PEX14: variants seen among roughly 807,000 people sequenced by gnomAD.
PEX14 encodes the protein peroxisomal membrane protein PEX14.
PEX14 carries 15 observed loss-of-function variants against 49.5 expected under a neutral mutation model. That is an observed-to-expected ratio of 0.30 (90% CI 0.20 to 0.47). PEX14 has a LOEUF of 0.47. Among genes scored for constraint, PEX14 ranks in the 20% least tolerant of loss-of-function variants. The pLI is 1.00. For synonymous variants in PEX14, 210 were observed against 212.7 expected, an observed-to-expected ratio of 0.99 and a Z score of 0.11; for missense variants, 398 against 494.8, an observed-to-expected ratio of 0.80 and a Z score of 1.86.
rs202239632 is a variant in PEX14, at chr1:10,615,161, C to A, written c.299-3171C>A. ...GGGGAAGTCCTTGCTAACCATAACA[C>A]AAACCCCAGAACCCATAAAAGAATA... On this transcript the variant is annotated intron_variant, in intron 4 of 8. Coordinates refer to ENST00000356607, the MANE Select transcript of PEX14 (RefSeq NM_004565.3). Among the ~76,000 whole-genome samples the A allele has an allele frequency of 3.9e-5, 6 of 152,308 alleles. No homozygotes were observed. In the East Asian group the frequency reaches 1.2e-3, roughly 29 times the overall value.
chr1:10,482,733 G>A (rs1214126280), intron 1 of PEX14, among the ~76,000 whole-genome samples: 1 of 152,104 alleles, frequency 6.6e-6, no homozygotes, highest in East Asian at 1.9e-4. Context: ...TGCCTGGCCT[G>A]AGCCATTCTA....
Position 10,630,356 on chromosome 1 carries a change from A to G in PEX14, c.*369A>G, listed in dbSNP as rs977546775. 1.1e-4 allele frequency: 36 copies of G among 321,618 alleles called. No homozygotes were observed. Among genetic ancestry groups the G allele is most frequent in the Non-Finnish European group, 1.9e-4 (32 of 170,352 alleles). The allele number at this position is 321,618 out of a possible 1,614,324, so 19.9% of individuals were successfully genotyped here. A position where few individuals can be genotyped will look rare whatever the true frequency, so the allele number is the denominator to read the frequency against. On this transcript the variant is annotated 3_prime_UTR_variant, in exon 9 of 9. Coordinates refer to ENST00000356607, the MANE Select transcript of PEX14 (RefSeq NM_004565.3). This position sits in a 1 kb window ranked among gnomAD's most constrained non-coding sequence, Gnocchi z 4.1. Reference sequence around the variant, plus strand: ...TGTCTTGACTACCGTGACACCACGCATGGCCAGAGCTAGCGTCCCTACTGC... The same window carrying G: ...TGTCTTGACTACCGTGACACCACGCGTGGCCAGAGCTAGCGTCCCTACTGC...
Position 10,630,285 on chromosome 1 carries a change from GC to G in PEX14, c.*303del. ...GCCTCGGGGCCCAAGCCCCTCCCCA[GC>G]CCCCTCTCCCGGACAGACGCCTTGC... On this transcript the variant is annotated 3_prime_UTR_variant, in exon 9 of 9. Transcript: ENST00000356607. The surrounding 1 kb of genome is among the most constrained non-coding windows in gnomAD (Gnocchi z 4.1). The G allele has an allele frequency of 1.9e-6, 1 of 536,080 alleles. No individual in the cohort carries two copies. Among genetic ancestry groups the G allele is most frequent in the Non-Finnish European group, 3.3e-6 (1 of 299,222 alleles). 33.2% of individuals were successfully genotyped at this position (536,080 alleles called of 1,614,324 possible). A position where few individuals can be genotyped will look rare whatever the true frequency, so the allele number is the denominator to read the frequency against.
chr1:10,575,608 G>C (rs1463928899), intron 3 of PEX14, among the ~76,000 whole-genome samples: 1 of 152,032 alleles, frequency 6.6e-6, no homozygotes, highest in Non-Finnish European at 1.5e-5. Flanking sequence ...TTGGCCACTT[G>C]GAAAATTTAA....
chr1:10,557,239 A>G (rs1420628974), intron 3 of PEX14, among the ~76,000 whole-genome samples: 1 of 152,156 alleles, frequency 6.6e-6, no homozygotes, highest in African/African-American at 2.4e-5. Flanking sequence ...ACTCTTCTTT[A>G]AGTATCCTTG....
chr1:10,488,408 T>C (rs534832940), intron 1 of PEX14, among the ~76,000 whole-genome samples: 1 of 152,006 alleles, frequency 6.6e-6, no homozygotes, highest in Non-Finnish European at 1.5e-5. Flanking sequence ...CCACCCGCCT[T>C]GGCCTCCCAA....
chr1:10,526,210 G>A (rs951487197), intron 2 of PEX14, among the ~76,000 whole-genome samples: 39 of 149,324 alleles, frequency 2.6e-4, no homozygotes, highest in Non-Finnish European at 4.1e-4. Context: ...GTGAGCCACT[G>A]CGCCCGGCTG....
At chr1:10,532,577 C>T (rs576280642) in intron 2 of PEX14, among the ~76,000 whole-genome samples, 32 of 152,212 alleles carry the variant, frequency 2.1e-4, no homozygotes, top group Non-Finnish European at 4.4e-4. Flanking sequence ...ACGGCGGCAT[C>T]AGCAGCTTAG....
At chr1:10,490,010 T>C (rs1047688907) in intron 1 of PEX14, among the ~76,000 whole-genome samples, 3 of 152,202 alleles carry the variant, frequency 2.0e-5, no homozygotes, top group African/African-American at 7.2e-5. Context: ...GAAGTGGAAG[T>C]GCATTGGTTG....
chr1:10,480,875 T>A (rs1015436790), intron 1 of PEX14, among the ~76,000 whole-genome samples: 6 of 148,738 alleles, frequency 4.0e-5, no homozygotes, highest in African/African-American at 1.6e-4. Context: ...ATATATTTTT[T>A]TTTTTGGAAG....
intron 2 of PEX14, among the ~76,000 whole-genome samples, chr1:10,505,625 C>T (rs895438718): frequency 6.6e-6 from 1 of 151,104 alleles, no homozygotes; most frequent in South Asian, 2.1e-4. Context: ...TGAACCTTCT[C>T]TTTAGCCTCC....
intron 2 of PEX14, among the ~76,000 whole-genome samples, chr1:10,506,767 AG>A (rs1353317025): frequency 6.6e-6 from 1 of 152,190 alleles, no homozygotes; most frequent in African/African-American, 2.4e-5. Flanking sequence ...GATGTCTTGA[AG>A]TTCTTACTTT....
intron 2 of PEX14, among the ~76,000 whole-genome samples, chr1:10,517,809 G>A (rs752831530): frequency 2.6e-5 from 4 of 151,830 alleles, no homozygotes; most frequent in South Asian, 2.1e-4. Flanking sequence ...TTGAGGAAAC[G>A]GCACATCTTT....
chr1:10,570,848 G>GTTTTTTTTTTTTTTTTTT (rs70997255), intron 3 of PEX14, among the ~76,000 whole-genome samples: 1 of 113,912 alleles, frequency 8.8e-6, no homozygotes, highest in Non-Finnish European at 1.7e-5. Flanking sequence ...TGTCAACAGG[G>GTTTTTTTTTTTTTTTTTT]TTTTTTTTTT....
intron 7 of PEX14, among the ~76,000 whole-genome samples, chr1:10,625,337 C>T (rs904711399): frequency 1.3e-5 from 2 of 152,168 alleles, no homozygotes; most frequent in African/African-American, 2.4e-5. Context: ...CTGTGGCCGG[C>T]GGACACTGCT....
chr1:10,581,145 G>A (rs1640304229), intron 3 of PEX14, among the ~76,000 whole-genome samples: 1 of 152,074 alleles, frequency 6.6e-6, no homozygotes, highest in African/African-American at 2.4e-5. Context: ...ATGGGAAATA[G>A]TATGCTGTTG....
rs1411402 is a variant in PEX14, at chr1:10,519,488, G to A, written c.85-16725G>A. 3.9e-5 allele frequency among the ~76,000 whole-genome samples: 6 copies of A among 152,144 alleles called. No homozygotes were observed. The South Asian group carries it at 1.2e-3, about 32-fold the overall frequency. On this transcript the variant is annotated intron_variant, in intron 2 of 8. Transcript: ENST00000356607. ...TCCGGAATACCACCGCCTGTCTCAG[G>A]GAATGGTGCGCTGGGTTATAATAGG...
At chr1:10,614,887 A>G (rs902569595) in intron 4 of PEX14, among the ~76,000 whole-genome samples, 2 of 152,168 alleles carry the variant, frequency 1.3e-5, no homozygotes, top group South Asian at 2.1e-4. Flanking sequence ...CAGGTTTTGT[A>G]TCTGGAGCGC....
intron 4 of PEX14, among the ~76,000 whole-genome samples, chr1:10,618,102 G>A (rs924697791): frequency 6.6e-6 from 1 of 152,232 alleles, no homozygotes; most frequent in Admixed American, 6.5e-5. Flanking sequence ...ACAGCCTGCA[G>A]TCAGGGTTGG....
Sources: gnomAD v4.1 joint callset for allele counts (sites outside exome capture counted in the v4.1 genomes callset) on GRCh38, gnomAD v4.1.1 for gene constraint, Gnocchi (gnomAD v3.1) non-coding constraint, MANE v1.5 for transcripts, NCBI Gene and HGNC (gene_info 2026-07-23, HGNC 2026-07-21) for gene names.